The following DCDC1 variants were observed in gnomAD, a reference collection of about 807,000 sequenced individuals.
The protein encoded by DCDC1 is doublecortin domain containing 1, also known as doublecortin domain-containing protein 1.
DCDC1 carries 200 observed loss-of-function variants against 178.3 expected under a neutral mutation model. The observed-to-expected ratio is 1.12, with a 90% CI of 1.00 to 1.26. The LOEUF is 1.26. Ranked by LOEUF, DCDC1 falls within the 50% of genes most tolerant of loss-of-function variation. The pLI is 0.00. For missense variants in DCDC1, 1,983 were observed against 1,749.2 expected (o/e 1.13, Z -2.38); for synonymous variants, 690 against 604.8 (o/e 1.14, Z -2.07).
intron 8 of DCDC1, among the ~76,000 whole-genome samples, chr11:31,251,460 G>A (rs985287993): frequency 4.0e-5 from 6 of 151,772 alleles, no homozygotes; most frequent in Admixed American, 2.0e-4. Context: ...ATGAGGGCCC[G>A]AATAGAACAA....
chr11:31,262,136 C>T (rs1944831375), intron 8 of DCDC1, among the ~76,000 whole-genome samples: 1 of 152,068 alleles, frequency 6.6e-6, no homozygotes, highest in Non-Finnish European at 1.5e-5. Context: ...GCACAGTGGC[C>T]TGCACCTGTA....
Position 30,944,959 on chromosome 11 carries a change from C to CTT in DCDC1, c.2715+7484_2715+7485dup, listed in dbSNP as rs34334567. 6.8e-3 allele frequency among the ~76,000 whole-genome samples: 446 copies of CTT among 65,510 alleles called. 82 individuals are homozygous for CTT. Among genetic ancestry groups the CTT allele is most frequent in the African/African-American group, 0.024 (382 of 15,824 alleles). 43.0% of individuals were successfully genotyped at this position (65,510 alleles called of 152,430 possible). ...AATCACAGACCATCAACAAAAATGT[C>CTT]TTTTTTTTTTTTTTTTTTTTTTTTT... is the stretch of plus-strand genomic sequence containing the variant. On this transcript the variant is annotated intron_variant, in intron 21 of 38. Coordinates refer to ENST00000684477, the MANE Select transcript of DCDC1 (RefSeq NM_001387274.1).
chr11:30,897,292 A>G (rs570250597), intron 34 of DCDC1, among the ~76,000 whole-genome samples: 9 of 152,272 alleles, frequency 5.9e-5, no homozygotes, highest in African/African-American at 2.2e-4. Flanking sequence ...TTAACTTAAA[A>G]TTTTTAAAAT....
chr11:31,338,610 CAT>C (rs1950387000), intron 1 of DCDC1, among the ~76,000 whole-genome samples: 1 of 152,158 alleles, frequency 6.6e-6, no homozygotes. Flanking sequence ...CACTTGACCA[CAT>C]GACTAAATTC....
At chr11:31,187,260 G>T (rs915757018) in intron 9 of DCDC1, among the ~76,000 whole-genome samples, 2 of 152,202 alleles carry the variant, frequency 1.3e-5, no homozygotes, top group African/African-American at 2.4e-5. Flanking sequence ...AATGCCATTG[G>T]TGCATGCCAA....
At chr11:31,191,453 A>G (rs1462441428) in intron 9 of DCDC1, among the ~76,000 whole-genome samples, 1 of 152,144 alleles carries the variant, frequency 6.6e-6, no homozygotes, top group Non-Finnish European at 1.5e-5. Flanking sequence ...TTATCAAGGA[A>G]GACAGAAGAG....
chr11:31,199,296 T>TA (rs904331333), intron 9 of DCDC1, among the ~76,000 whole-genome samples: 16 of 151,992 alleles, frequency 1.1e-4, no homozygotes, highest in African/African-American at 3.9e-4. Flanking sequence ...TCAGAAAAGA[T>TA]AAAAATTTGC....
intron 6 of DCDC1, among the ~76,000 whole-genome samples, chr11:31,291,164 C>T (rs1300067683): frequency 6.6e-6 from 1 of 152,010 alleles, no homozygotes; most frequent in East Asian, 1.9e-4. Context: ...TAAACGCACC[C>T]AGCTGAAAGG....
At chr11:31,087,654 A>G (rs1160411979) in intron 17 of DCDC1, among the ~76,000 whole-genome samples, 7 of 152,138 alleles carry the variant, frequency 4.6e-5, no homozygotes, top group African/African-American at 1.7e-4. Context: ...ACTTGCCACT[A>G]TATTTTAGTT....
chr11:31,062,967 C>T (rs704686), intron 20 of DCDC1, among the ~76,000 whole-genome samples: 60,864 of 123,662 alleles, frequency 0.49, 15,026 homozygotes, highest in Middle Eastern at 0.59. Context: ...CCACAACAGT[C>T]CCCAGAGTGT....
chr11:31,148,753 T>C (rs952332722), intron 9 of DCDC1, among the ~76,000 whole-genome samples: 2 of 152,180 alleles, frequency 1.3e-5, no homozygotes, highest in Non-Finnish European at 2.9e-5. Context: ...CCACTTCTTT[T>C]TTTATTTCAA....
At chr11:31,368,717 T>C (rs576463548) in intron 1 of DCDC1, among the ~76,000 whole-genome samples, 1 of 152,174 alleles carries the variant, frequency 6.6e-6, no homozygotes, top group Non-Finnish European at 1.5e-5. Flanking sequence ...CAAACTCAGA[T>C]TGGTAGAAGT....
chr11:31,216,260 CAGAT>C (rs1021105160), intron 9 of DCDC1, among the ~76,000 whole-genome samples: 12 of 151,368 alleles, frequency 7.9e-5, no homozygotes, highest in African/African-American at 1.5e-4. Flanking sequence ...CATGGGTAGA[CAGAT>C]AGAGGATTAG....
At chr11:31,012,948 A>G (rs1952262114) in intron 20 of DCDC1, among the ~76,000 whole-genome samples, 1 of 152,228 alleles carries the variant, frequency 6.6e-6, no homozygotes, top group Non-Finnish European at 1.5e-5. Context: ...AAATGTGATC[A>G]GGAAATGGTA....
chr11:31,121,972 G>A (rs192042533), intron 11 of DCDC1, among the ~76,000 whole-genome samples: 13 of 152,208 alleles, frequency 8.5e-5, no homozygotes, highest in African/African-American at 2.2e-4. Flanking sequence ...ATGATAGTAC[G>A]TGCCACAAGG....
At chr11:31,039,049 T>C (rs191463134) in intron 20 of DCDC1, among the ~76,000 whole-genome samples, 4 of 152,332 alleles carry the variant, frequency 2.6e-5, no homozygotes, top group African/African-American at 7.2e-5. Context: ...TAATCAAGTG[T>C]TGATATCTAA....
rs1476507397 is a variant in DCDC1 at position 30,963,644 on chromosome 11, G to C, written c.2592-11076C>G. On this transcript the variant is annotated intron_variant, in intron 20 of 38. Coordinates refer to ENST00000684477, the MANE Select transcript of DCDC1 (RefSeq NM_001387274.1). The stretch of plus-strand genomic sequence containing the variant: ...TAAGAGCTGGACTAACTGCTTTAGA[G>C]CCATAGGTGGGAGCCACATGATAAG... 7.9e-5 allele frequency among the ~76,000 whole-genome samples: 12 copies of C among 152,098 alleles called. No individual in the cohort carries two copies. In the East Asian group the frequency reaches 2.3e-3, roughly 29 times the overall value.
chr11:30,864,230 G>T lies in DCDC1; in HGVS notation c.*1143C>A, dbSNP rs1370355170. ...TCAACTTGAGAACTGCTTCATGATT[G>T]CCTGTCGAAGTCTCAAATGTTGTCA... On this transcript the variant is annotated 3_prime_UTR_variant, in exon 39 of 39. Transcript: ENST00000684477. The T allele has an allele frequency of 2.6e-5, 4 of 152,150 alleles. No individual in the cohort carries two copies. Among genetic ancestry groups the T allele is most frequent in the African/African-American group, 9.7e-5 (4 of 41,426 alleles). The allele number at this position is 152,150 out of a possible 1,614,324, so 9.4% of individuals were successfully genotyped here.
At chr11:31,089,215 G>A (rs780792560) in intron 17 of DCDC1, among the ~76,000 whole-genome samples, 8 of 152,008 alleles carry the variant, frequency 5.3e-5, no homozygotes, top group Non-Finnish European at 7.4e-5. Flanking sequence ...CTATATTAAC[G>A]GGTTCCTCCC....
Sources: gnomAD v4.1 joint callset for allele counts (sites outside exome capture counted in the v4.1 genomes callset) on GRCh38, gnomAD v4.1.1 for gene constraint, MANE v1.5 for transcripts, NCBI Gene and HGNC (gene_info 2026-07-23, HGNC 2026-07-21) for gene names.